The following GRK7 variants were observed in gnomAD, a reference collection of about 807,000 sequenced individuals.
The protein encoded by GRK7 is rhodopsin kinase GRK7.
A neutral mutation model predicts 34.1 loss-of-function variants in GRK7; 24 were observed. The observed-to-expected ratio is 0.70, with a 90% CI of 0.51 to 0.99. GRK7 has a LOEUF of 0.99. GRK7 is among the 50% of genes least tolerant of loss of function. The probability of loss-of-function intolerance (pLI) is 0.00; values close to 1 mark genes in which losing one functional copy is unlikely to be tolerated. For synonymous variants in GRK7, 256 were observed against 279.4 expected (o/e 0.92, Z 0.84); for missense variants, 644 against 707.3 (o/e 0.91, Z 1.02).
chr3:141,796,023 T>A (rs1710868493), intron 4 of GRK7, among the ~76,000 whole-genome samples: 1 of 152,164 alleles, frequency 6.6e-6, no homozygotes, highest in African/African-American at 2.4e-5. Flanking sequence ...TAGACACATG[T>A]TAGAAGCTCA....
the GRK7 span, among the ~76,000 whole-genome samples, chr3:141,753,398 A>G: frequency 1.5e-4 from 23 of 152,194 alleles, no homozygotes; most frequent in Admixed American, 6.5e-5. Context: ...CCAGGGACAG[A>G]TTTCATGGAA....
At chr3:141,808,364 C>A (rs1711057706) in intron 5 of GRK7, among the ~76,000 whole-genome samples, 1 of 152,054 alleles carries the variant, frequency 6.6e-6, no homozygotes, top group Non-Finnish European at 1.5e-5. Context: ...TAAAACAAAA[C>A]AAATATTACA....
At chr3:141,760,504 T>C (rs1443500581), upstream of GRK7, among the ~76,000 whole-genome samples, 2 of 122,360 alleles carry the variant, frequency 1.6e-5, no homozygotes, top group Non-Finnish European at 3.4e-5. Context: ...TTCTGTTCTT[T>C]TACATTTGCT....
chr3:141,763,170 G>GA (rs1037635876), upstream of GRK7, among the ~76,000 whole-genome samples: 31 of 152,086 alleles, frequency 2.0e-4, no homozygotes, highest in African/African-American at 7.2e-4. Context: ...TCTTAAGGAT[G>GA]AAAAATATGG....
the GRK7 span, among the ~76,000 whole-genome samples, chr3:141,757,338 A>G: frequency 2.1e-5 from 3 of 143,454 alleles, no homozygotes; most frequent in African/African-American, 7.8e-5. Context: ...AGAGTGTGAT[A>G]TTCCCCTTCA....
chr3:141,780,315 C>T (rs1191213062), intron 3 of GRK7, 59 bp from the exon 4 acceptor site: 2 of 1,396,586 alleles, frequency 1.4e-6, no homozygotes, highest in African/African-American at 2.9e-5. Context: ...TTATCATCTC[C>T]ACCTCTCTGC....
chr3:141,778,701 T>C lies in GRK7; in HGVS notation c.417T>C (p.Thr139=). The change falls in exon 3 of 6, where the codon ACT becomes ACC. Residue 139 remains threonine (T), a synonymous_variant. Coordinates refer to ENST00000682958, the MANE Select transcript of GRK7 (RefSeq NM_139209.3). This position sits in a 1 kb window ranked among gnomAD's most constrained non-coding sequence, Gnocchi z 4.1. The part of the protein sequence containing the change: ...AVATKCQAAT[T]EEERVAAVTL... ...CCACCAAGTGCCAAGCAGCCACCAC[T>C]GAGGAAGAGCGAGTGGCTGCAGTGA... is the stretch of plus-strand genomic sequence containing the variant. 6.2e-7 allele frequency: 1 copy of C among 1,613,272 alleles called. No individual in the cohort carries two copies. The highest frequency in any genetic ancestry group is 8.5e-7 in the Non-Finnish European group (1 of 1,179,520).
At chr3:141,789,913 A>C (rs1398921297) in intron 4 of GRK7, among the ~76,000 whole-genome samples, 1 of 152,184 alleles carries the variant, frequency 6.6e-6, no homozygotes, top group African/African-American at 2.4e-5. Context: ...AGTATGTGAT[A>C]TGATTCCAGG....
intron 4 of GRK7, among the ~76,000 whole-genome samples, chr3:141,795,814 G>C (rs190167206): frequency 6.6e-6 from 1 of 152,232 alleles, no homozygotes. Flanking sequence ...ACATCAAAGA[G>C]AAGGAGTTAG....
intron 4 of GRK7, among the ~76,000 whole-genome samples, chr3:141,804,570 TACACATAC>T (rs1438703842): frequency 4.2e-5 from 6 of 143,566 alleles, no homozygotes; most frequent in African/African-American, 1.5e-4. Context: ...AACACACACA[TACACATAC>T]ACACATACAC....
rs775522873 is a variant in GRK7 at position 141,778,812 on chromosome 3, G to A, written c.528G>A (p.Leu176=). ...FVTSAFYDKF[L]QWKLFEMQPV... is the part of the protein sequence containing the mutation. ...CCAGCGCCTTCTACGACAAGTTTCT[G>A]CAGTGGAAACTCTTCGAGATGCAAC... Residue 176 remains leucine, a synonymous_variant, in exon 3 of 6, where the codon CTG becomes CTA. Transcript: ENST00000682958. This position sits in a 1 kb window ranked among gnomAD's most constrained non-coding sequence, Gnocchi z 4.1. 6.2e-6 allele frequency: 10 copies of A among 1,610,666 alleles called. No homozygotes were observed. Among genetic ancestry groups the A allele is most frequent in the Admixed American group, 5.1e-5 (3 of 59,356 alleles).
At chr3:141,811,329 T>TA (rs939138271) in intron 5 of GRK7, among the ~76,000 whole-genome samples, 1 of 151,576 alleles carries the variant, frequency 6.6e-6, no homozygotes, top group East Asian at 1.9e-4. Flanking sequence ...AAAAAAAAAT[T>TA]AAAAAAACAA....
rs1006369977 is a variant in GRK7, at chr3:141,778,098, C to A, written c.-113-74C>A. The A allele has an allele frequency of 9.1e-6, 6 of 660,946 alleles. No homozygotes were observed. The highest frequency in any genetic ancestry group is 3.7e-5 in the African/African-American group (2 of 54,692). The allele number at this position is 660,946 out of a possible 1,614,324, so 40.9% of individuals were successfully genotyped here. ...ATGACCTATCGTGTGCAGTTCCTGG[C>A]GGGCTATACATAGCCAGTCAAAGCT... On this transcript the variant is annotated intron_variant, in intron 2 of 5. Transcript: ENST00000682958. This position sits in a 1 kb window ranked among gnomAD's most constrained non-coding sequence, Gnocchi z 4.1.
chr3:141,810,602 A>G (rs113384353), intron 5 of GRK7, among the ~76,000 whole-genome samples: 3,661 of 152,142 alleles, frequency 0.024, 67 homozygotes, highest in East Asian at 0.091. Context: ...GCAATCTCTC[A>G]GCCTCCCAGG....
chr3:141,816,637 A>C lies in GRK7; in HGVS notation c.1326-77A>C, dbSNP rs1577930465. 4 of 755,782 alleles carry C rather than the reference A, an allele frequency of 5.3e-6. No homozygotes were observed. In the East Asian group the frequency reaches 1.0e-4, roughly 20 times the overall value. The allele number at this position is 755,782 out of a possible 1,614,324, so 46.8% of individuals were successfully genotyped here. A position where few individuals can be genotyped will look rare whatever the true frequency, so the allele number is the denominator to read the frequency against. The stretch of plus-strand genomic sequence containing the variant: ...ATAAAATGTAAGAAAAGAATGCTAC[A>C]CACTTTGTATTGTTAGAACATGTCC... On this transcript the variant is annotated intron_variant, in intron 5 of 5. Transcript: ENST00000682958.
intron 5 of GRK7, among the ~76,000 whole-genome samples, chr3:141,814,527 G>T (rs1009102388): frequency 1.3e-5 from 2 of 152,146 alleles, no homozygotes; most frequent in Non-Finnish European, 2.9e-5. Context: ...GTCTCCAGCT[G>T]CTTCTATGTT....
Position 141,767,278 on chromosome 3 carries a change from T to G in GRK7, c.-215+1540T>G, listed in dbSNP as rs2084593531. 3.3e-5 allele frequency among the ~76,000 whole-genome samples: 5 copies of G among 152,210 alleles called. No individual in the cohort carries two copies. In the South Asian group the frequency reaches 1.0e-3, roughly 31 times the overall value. On this transcript the variant is annotated intron_variant, in intron 1 of 5. Transcript: ENST00000682958. Reference sequence around the variant, plus strand: ...CTTCCTGTTGATAAAAAGATTTCTCTTTCAGATACACAATGATTGTTTCAT... The same window carrying G: ...CTTCCTGTTGATAAAAAGATTTCTCGTTCAGATACACAATGATTGTTTCAT...
intron 1 of GRK7, among the ~76,000 whole-genome samples, chr3:141,770,064 G>A (rs893558020): frequency 9.2e-5 from 14 of 152,144 alleles, no homozygotes; most frequent in Middle Eastern, 3.4e-3. Context: ...ACAACCGCCC[G>A]CTACCATGCC....
In GRK7 at chr3:141,778,024, G is replaced by T. The variant is rs964443764; in HGVS notation, c.-113-148G>T. On this transcript the variant is annotated intron_variant, in intron 2 of 5. Transcript: ENST00000682958. This position sits in a 1 kb window ranked among gnomAD's most constrained non-coding sequence, Gnocchi z 4.1. The stretch of plus-strand genomic sequence containing the variant: ...CTAAGATGAAGGGACCAGTGGGGGA[G>T]GTGGCCCCGGCAGGTGTCCCAGCAG... 8.3e-6 allele frequency: 4 copies of T among 480,282 alleles called. No homozygotes were observed. Among genetic ancestry groups the T allele is most frequent in the Admixed American group, 7.7e-5 (2 of 26,106 alleles). The allele number at this position is 480,282 out of a possible 1,614,324, so 29.8% of individuals were successfully genotyped here. A position where few individuals can be genotyped will look rare whatever the true frequency, so the allele number is the denominator to read the frequency against.
Sources: gnomAD v4.1 joint callset for allele counts (sites outside exome capture counted in the v4.1 genomes callset) on GRCh38, gnomAD v4.1.1 for gene constraint, Gnocchi (gnomAD v3.1) non-coding constraint, MANE v1.5 for transcripts, NCBI Gene and HGNC (gene_info 2026-07-23, HGNC 2026-07-21) for gene names.